Variants in ZNF469 observed in about 807,000 individuals in gnomAD.
ZNF469 encodes the protein zinc finger protein 469.
ZNF469 carries 1 observed loss-of-function variant against 1.0 expected under a neutral mutation model. That is an observed-to-expected ratio of 1.00 (90% confidence interval 0.35 to 4.73). The LOEUF is 4.73. Ranked by LOEUF, ZNF469 falls within the 30% of genes most tolerant of loss-of-function variation. The pLI, the probability that ZNF469 is intolerant of heterozygous loss-of-function variation, is 0.16. For synonymous variants in ZNF469, 2,703 were observed against 2,363.4 expected, an observed-to-expected ratio of 1.14 and a Z score of -4.17; for missense variants, 6,100 against 5,356.3, an observed-to-expected ratio of 1.14 and a Z score of -4.33.
At chr16:88,247,037 GAGTGAA>G in the ZNF469 span, among the ~76,000 whole-genome samples, 1,038 of 122,058 alleles carry the variant, frequency 8.5e-3, 4 homozygotes, top group South Asian at 0.011. Context: ...ATGAGTGAAT[GAGTGAA>G]TGAATGAGTG....
intron 1 of ZNF469, among the ~76,000 whole-genome samples, chr16:88,393,436 G>T (rs112694376): frequency 2.8e-4 from 42 of 152,222 alleles, no homozygotes; most frequent in African/African-American, 9.2e-4. Flanking sequence ...ATGCCGGACC[G>T]GTGCCTGGGG....
the ZNF469 span, among the ~76,000 whole-genome samples, chr16:88,195,903 A>G: frequency 0.024 from 3,587 of 152,296 alleles, 105 homozygotes; most frequent in East Asian, 0.14. Flanking sequence ...TCCAGAGACA[A>G]CACCGAGCAG....
At chr16:88,224,503 A>T in the ZNF469 span, among the ~76,000 whole-genome samples, 3 of 152,202 alleles carry the variant, frequency 2.0e-5, no homozygotes, top group East Asian at 5.8e-4. Context: ...AGGAATGTGG[A>T]CGGGGTTGGG....
At chr16:88,293,801 G>C in the ZNF469 span, among the ~76,000 whole-genome samples, 1 of 152,208 alleles carries the variant, frequency 6.6e-6, no homozygotes, top group Non-Finnish European at 1.5e-5. Flanking sequence ...GGGTGCATGA[G>C]GACTGGGACT....
At position 88,438,136 on chromosome 16, in the gene ZNF469, T is replaced by A; in HGVS notation, c.10666T>A (p.Ser3556Thr). The A allele has an allele frequency of 6.5e-7, 1 of 1,550,290 alleles. No individual in the cohort carries two copies. The highest frequency in any genetic ancestry group is 8.7e-7 in the Non-Finnish European group (1 of 1,146,930). The change falls in exon 3 of 3, where the codon TCT (serine) becomes ACT (threonine). Residue 3556 changes from serine to threonine, a missense_variant. Ser to Thr is a moderately conservative substitution (Grantham distance 58). Transcript: ENST00000565624. ...CCAGGAGTGTCCCCCGCCGTCTCTG[T>A]CTCCCTTCCCAGCTGCCTTGGCTGA... is the stretch of plus-strand genomic sequence containing the variant. ...NHQECPPPSL[S>T]PFPAALADGR... is the part of the protein sequence containing the mutation.
chr16:88,128,751 T>C, the ZNF469 span, among the ~76,000 whole-genome samples: 1 of 152,214 alleles, frequency 6.6e-6, no homozygotes, highest in African/African-American at 2.4e-5. Flanking sequence ...GCTGGGGCCC[T>C]CCCAGCCCCT....
At chr16:88,180,554 C>T in the ZNF469 span, among the ~76,000 whole-genome samples, 1,535 of 152,144 alleles carry the variant, frequency 0.01, 30 homozygotes, top group African/African-American at 0.035. Context: ...GGTGGATCAC[C>T]TGAGGTCAGG....
chr16:88,261,695 C>T, the ZNF469 span, among the ~76,000 whole-genome samples: 2 of 152,160 alleles, frequency 1.3e-5, no homozygotes, highest in Non-Finnish European at 2.9e-5. This position sits in a 1 kb window ranked among gnomAD's most constrained non-coding sequence, Gnocchi z 6.0. Context: ...TCCCCCAGCC[C>T]TACCACAGGG....
chr16:88,380,773 C>CACCCGG (rs2092520447), upstream of ZNF469, among the ~76,000 whole-genome samples: 2 of 147,142 alleles, frequency 1.4e-5, no homozygotes, highest in Admixed American at 6.8e-5. Flanking sequence ...CGTCCTCACA[C>CACCCGG]ACATGCACTC....
the ZNF469 span, among the ~76,000 whole-genome samples, chr16:88,212,581 A>C: frequency 6.6e-6 from 1 of 150,982 alleles, no homozygotes; most frequent in Non-Finnish European, 1.5e-5. Flanking sequence ...TTATTTATTT[A>C]TTGACATTTA....
At chr16:88,328,697 G>T in the ZNF469 span, among the ~76,000 whole-genome samples, 1 of 152,186 alleles carries the variant, frequency 6.6e-6, no homozygotes, top group Non-Finnish European at 1.5e-5. Context: ...GTTCCAGCCG[G>T]GGGGCTGGGA....
rs1906243073 is a variant in ZNF469 at position 88,432,201 on chromosome 16, G to A, written c.4731G>A (p.Arg1577=). 6.5e-7 allele frequency: 1 copy of A among 1,550,196 alleles called. No homozygotes were observed. The highest frequency in any genetic ancestry group is 8.7e-7 in the Non-Finnish European group (1 of 1,146,980). The change falls in exon 3 of 3, where the codon AGG becomes AGA. Residue 1577 remains arginine (R), a synonymous_variant. Coordinates refer to ENST00000565624, the MANE Select transcript of ZNF469 (RefSeq NM_001367624.2). ...CCGAATTAGAAAGTCAGCTGCAAAGGAGCAAAGACACACGTGGGGCCCCGA... is the reference window on the plus strand; with the variant it reads ...CCGAATTAGAAAGTCAGCTGCAAAGAAGCAAAGACACACGTGGGGCCCCGA... ...LVTELESQLQ[R]SKDTRGAPRE... is the part of the protein sequence containing the mutation.
At position 88,430,535 on chromosome 16, in the gene ZNF469, C is replaced by G. The variant is rs1906081093; in HGVS notation, c.3065C>G (p.Thr1022Ser). 1 of 1,463,216 alleles carries G rather than the reference C, an allele frequency of 6.8e-7. No individual in the cohort carries two copies. The highest frequency in any genetic ancestry group is 9.0e-7 in the Non-Finnish European group (1 of 1,115,368). The allele number at this position is 1,463,216 out of a possible 1,614,324, so 90.6% of individuals were successfully genotyped here. ...AGAGCCGCCGCCCTCCCCGAGGAGACCCGCAGCTCCCGGCGCCGCCGGCTG... is the reference window on the plus strand; with the variant it reads ...AGAGCCGCCGCCCTCCCCGAGGAGAGCCGCAGCTCCCGGCGCCGCCGGCTG... ...VPRAAALPEE[T>S]RSSRRRRLPP... Residue 1022 changes from threonine to serine, a missense_variant, in exon 3 of 3, where the codon ACC becomes AGC. Transcript: ENST00000565624.
the ZNF469 span, among the ~76,000 whole-genome samples, chr16:88,307,658 A>G: frequency 6.6e-6 from 1 of 152,046 alleles, no homozygotes; most frequent in Admixed American, 6.6e-5. Flanking sequence ...AGAAATATCT[A>G]CTCAGACCCT....
At position 88,430,770 on chromosome 16, in the gene ZNF469, G is replaced by C. The variant is rs760454346; in HGVS notation, c.3300G>C (p.Glu1100Asp). Reference protein sequence around the residue: ...REYDFASESEEDEQPPPRGPG... With the variant: ...REYDFASESEDDEQPPPRGPG... ...ACGACTTCGCCTCGGAGTCCGAGGA[G>C]GACGAGCAGCCTCCGCCGCGGGGCC... Residue 1100 changes from glutamate (E) to aspartate (D), a missense_variant, in exon 3 of 3, where the codon GAG (glutamate) becomes GAC (aspartate). By Grantham distance (45) the Glu-to-Asp change is conservative (BLOSUM62 2). Coordinates refer to ENST00000565624, the MANE Select transcript of ZNF469 (RefSeq NM_001367624.2). The C allele has an allele frequency of 3.3e-6, 5 of 1,522,964 alleles. No individual in the cohort carries two copies. The highest frequency in any genetic ancestry group is 2.8e-5 in the African/African-American group (2 of 71,816). The allele number at this position is 1,522,964 out of a possible 1,614,324, so 94.3% of individuals were successfully genotyped here. A position where few individuals can be genotyped will look rare whatever the true frequency, so the allele number is the denominator to read the frequency against.
Position 88,438,322 on chromosome 16 carries a change from C to G in ZNF469, c.10852C>G (p.Leu3618Val). Residue 3618 changes from leucine (L) to valine (V), a missense_variant, in exon 3 of 3, where the codon CTC becomes GTC. By Grantham distance (32) the Leu-to-Val change is conservative. Transcript: ENST00000565624. ...GQDAEGKRAP[L>V]VFSGKRRAPG... is the part of the protein sequence containing the mutation. Reference sequence around the variant, plus strand: ...AGATGCGGAGGGAAAGAGGGCTCCTCTCGTGTTCTCAGGGAAACGCAGGGC... The same window carrying G: ...AGATGCGGAGGGAAAGAGGGCTCCTGTCGTGTTCTCAGGGAAACGCAGGGC... 1 of 1,550,220 alleles carries G rather than the reference C, an allele frequency of 6.5e-7. No individual in the cohort carries two copies. The highest frequency in any genetic ancestry group is 1.4e-5 in the African/African-American group (1 of 73,180).
the ZNF469 span, among the ~76,000 whole-genome samples, chr16:88,126,976 C>G: frequency 6.6e-6 from 1 of 152,176 alleles, no homozygotes; most frequent in East Asian, 1.9e-4. Context: ...CACGCCACCA[C>G]GCCCGGCTAT....
At chr16:88,207,498 C>T in the ZNF469 span, among the ~76,000 whole-genome samples, 1 of 149,644 alleles carries the variant, frequency 6.7e-6, no homozygotes, top group South Asian at 2.2e-4. Context: ...GCAGTGGAGC[C>T]GCCAGCTGTC....
chr16:88,273,898 G>A, the ZNF469 span, among the ~76,000 whole-genome samples: 13 of 148,884 alleles, frequency 8.7e-5, no homozygotes, highest in African/African-American at 2.7e-4. Flanking sequence ...TCCGCCTCCC[G>A]GGTTCACGCC....
Sources: allele counts gnomAD v4.1 joint callset (sites outside exome capture counted in the v4.1 genomes callset), GRCh38; gene constraint gnomAD v4.1.1; non-coding constraint Gnocchi (gnomAD v3.1); transcripts MANE v1.5; gene names NCBI Gene and HGNC (gene_info 2026-07-23, HGNC 2026-07-21).